TENM4: variants seen among roughly 807,000 people sequenced by gnomAD.
TENM4 encodes the protein teneurin transmembrane protein 4.
TENM4 carries 82 observed loss-of-function variants against 243.3 expected under a neutral mutation model. The ratio of observed to expected loss-of-function variants is 0.34; its 90% confidence interval spans 0.28 to 0.40. The LOEUF is 0.40. Among genes scored for constraint, TENM4 ranks in the 10% least tolerant of loss-of-function variants. The pLI is 1.00. For missense variants in TENM4, 3,138 were observed against 3,673.3 expected (o/e 0.85, Z 3.77); for synonymous variants, 1,412 against 1,456.3 (o/e 0.97, Z 0.69).
intron 18 of TENM4, among the ~76,000 whole-genome samples, chr11:78,762,496 CTG>C (rs1202407201): frequency 6.6e-6 from 1 of 152,216 alleles, no homozygotes; most frequent in African/African-American, 2.4e-5. Flanking sequence ...ATATCACAAA[CTG>C]TGCTCTTATG....
chr11:79,066,567 T>C (rs887873814), intron 5 of TENM4, among the ~76,000 whole-genome samples: 8 of 152,030 alleles, frequency 5.3e-5, no homozygotes, highest in African/African-American at 1.9e-4. Flanking sequence ...CACACAGACG[T>C]GCACGCGCAC....
chr11:79,203,239 C>G (rs567401371), intron 3 of TENM4, among the ~76,000 whole-genome samples: 20 of 152,010 alleles, frequency 1.3e-4, no homozygotes, highest in Non-Finnish European at 2.2e-4. Context: ...GTTAAACACA[C>G]CATATGATCC....
chr11:78,726,300 C>T (rs1444194463), intron 22 of TENM4, 78 bp from the exon 23 acceptor site: 9 of 1,483,160 alleles, frequency 6.1e-6, no homozygotes, highest in Non-Finnish European at 8.1e-6. Flanking sequence ...AGGCAAGGCC[C>T]CTGGCTTATC....
intron 2 of TENM4, among the ~76,000 whole-genome samples, chr11:79,252,528 C>T (rs932082159): frequency 1.4e-4 from 21 of 152,296 alleles, no homozygotes; most frequent in East Asian, 1.4e-3. Context: ...TGAGCCACTG[C>T]GCCTGGCTGA....
At position 78,669,870 on chromosome 11, in the gene TENM4, A is replaced by C; in HGVS notation, c.6475T>G (p.Phe2159Val). 1.9e-6 allele frequency: 3 copies of C among 1,613,800 alleles called. No individual in the cohort carries two copies. In the South Asian group the frequency reaches 3.3e-5, roughly 18 times the overall value. Residue 2159 changes from phenylalanine (F) to valine (V), a missense_variant, in exon 32 of 34, where the codon TTC becomes GTC. Phe to Val is a conservative substitution (Grantham distance 50, BLOSUM62 -1). This residue lies in a region of TENM4 where 2,467 missense variants were observed against 3,059.1 expected (regional missense o/e 0.81). Coordinates refer to ENST00000278550, the MANE Select transcript of TENM4 (RefSeq NM_001098816.3). The surrounding 1 kb of genome is among the most constrained non-coding windows in gnomAD (Gnocchi z 6.4). ...GTCATCCAGTACATGAGCGAGCGGAAGATCTCATACTGCACTTCCTTCATC... is the reference window on the plus strand; with the variant it reads ...GTCATCCAGTACATGAGCGAGCGGACGATCTCATACTGCACTTCCTTCATC... ...GRMKEVQYEI[F>V]RSLMYWMTVQ...
intron 1 of TENM4, among the ~76,000 whole-genome samples, chr11:79,420,081 A>G (rs965676810): frequency 1.3e-5 from 2 of 152,212 alleles, no homozygotes; most frequent in African/African-American, 2.4e-5. Flanking sequence ...TCTTTGTTCC[A>G]TATATGTATT....
chr11:78,783,612 C>G (rs1856879231), intron 16 of TENM4, among the ~76,000 whole-genome samples: 1 of 152,172 alleles, frequency 6.6e-6, no homozygotes, highest in Non-Finnish European at 1.5e-5. Context: ...GGCCCTGGTG[C>G]TTTTACCAAA....
chr11:78,850,601 T>C (rs1419441723), intron 12 of TENM4, among the ~76,000 whole-genome samples: 4 of 152,218 alleles, frequency 2.6e-5, no homozygotes, highest in African/African-American at 7.2e-5. Context: ...AGAATCAGTC[T>C]GTTTTTGTAT....
chr11:79,214,911 T>A (rs941221568), intron 3 of TENM4, among the ~76,000 whole-genome samples: 8 of 152,262 alleles, frequency 5.3e-5, no homozygotes, highest in Admixed American at 5.2e-4. Flanking sequence ...ATGCGTAGCA[T>A]GAGAAAGAAA....
At chr11:79,383,137 G>A (rs1430990892) in intron 1 of TENM4, among the ~76,000 whole-genome samples, 1 of 152,116 alleles carries the variant, frequency 6.6e-6, no homozygotes, top group Non-Finnish European at 1.5e-5. Flanking sequence ...CCCCTTTCTG[G>A]CCACCCCTCA....
At chr11:79,113,008 C>A (rs1861539267) in intron 4 of TENM4, among the ~76,000 whole-genome samples, 1 of 152,196 alleles carries the variant, frequency 6.6e-6, no homozygotes, top group East Asian at 1.9e-4. Flanking sequence ...ATTCTTACAC[C>A]CTTGCTGGTT....
chr11:79,098,854 A>G (rs951086334), intron 4 of TENM4, among the ~76,000 whole-genome samples: 8 of 152,142 alleles, frequency 5.3e-5, no homozygotes, highest in Admixed American at 4.6e-4. Context: ...AGCTAGTAAG[A>G]CCTGAATTGG....
chr11:79,074,707 C>T (rs1035679111), intron 4 of TENM4, among the ~76,000 whole-genome samples: 11 of 152,156 alleles, frequency 7.2e-5, no homozygotes, highest in South Asian at 2.1e-4. Context: ...CACCTAAGGG[C>T]GGCACCAGGA....
In TENM4 at chr11:78,732,328, C is replaced by A. The variant is rs1333158363; in HGVS notation, c.3126G>T (p.Val1042=). ...ASSCAEKGPI[V]PEIQALQEEI... The stretch of plus-strand genomic sequence containing the variant: ...GAAAGCTGGGTACCTGAATTTCCGG[C>A]ACAATGGGGCCTTTCTCTGCACAGG... The change falls in exon 21 of 34, where the codon GTG becomes GTT. Residue 1042 remains valine, a synonymous_variant. Coordinates refer to ENST00000278550, the MANE Select transcript of TENM4 (RefSeq NM_001098816.3). 2.5e-6 allele frequency: 4 copies of A among 1,594,434 alleles called. No individual in the cohort carries two copies. Among genetic ancestry groups the A allele is most frequent in the Non-Finnish European group, 2.6e-6 (3 of 1,166,846 alleles).
At chr11:79,339,531 C>G (rs1376997089) in intron 1 of TENM4, among the ~76,000 whole-genome samples, 1 of 152,190 alleles carries the variant, frequency 6.6e-6, no homozygotes, top group Non-Finnish European at 1.5e-5. Flanking sequence ...GCATATCCCT[C>G]TCTCCCTACT....
At chr11:79,361,723 T>C (rs1857592810) in intron 1 of TENM4, among the ~76,000 whole-genome samples, 1 of 152,176 alleles carries the variant, frequency 6.6e-6, no homozygotes. Context: ...GCAAGATATG[T>C]TATTTAAACT....
chr11:79,034,965 G>A (rs959003420), intron 6 of TENM4, among the ~76,000 whole-genome samples: 1 of 152,134 alleles, frequency 6.6e-6, no homozygotes, highest in Non-Finnish European at 1.5e-5. Context: ...AGCTACAGAG[G>A]GCTGGGGCTA....
At chr11:79,431,604 C>G (rs1859170185) in intron 1 of TENM4, among the ~76,000 whole-genome samples, 1 of 152,216 alleles carries the variant, frequency 6.6e-6, no homozygotes, top group Admixed American at 6.5e-5. Context: ...AGCACCCTCT[C>G]CAGGATCCAA....
chr11:79,302,667 A>G (rs1426117902), intron 1 of TENM4, among the ~76,000 whole-genome samples: 2 of 152,200 alleles, frequency 1.3e-5, no homozygotes, highest in Non-Finnish European at 2.9e-5. Flanking sequence ...GTACTTCTCT[A>G]GCCACATCTC....
Sources: allele counts gnomAD v4.1 joint callset (sites outside exome capture counted in the v4.1 genomes callset), GRCh38; gene constraint gnomAD v4.1.1; regional missense constraint gnomAD v4.1.1; non-coding constraint Gnocchi (gnomAD v3.1); transcripts MANE v1.5; gene names NCBI Gene and HGNC (gene_info 2026-07-23, HGNC 2026-07-21).